CCDC88C: variants seen among roughly 807,000 people sequenced by gnomAD.
The protein encoded by CCDC88C is coiled-coil and HOOK domain protein 88C, also known as protein Daple.
CCDC88C carries 131 observed loss-of-function variants against 198.8 expected under a neutral mutation model. The ratio of observed to expected loss-of-function variants is 0.66; its 90% CI spans 0.57 to 0.76. The LOEUF (loss-of-function observed/expected upper bound fraction) is 0.76, where lower values mean the gene tolerates loss of function less well. CCDC88C is among the 30% of genes least tolerant of loss of function. The pLI, the probability that CCDC88C is intolerant of heterozygous loss-of-function variation, is 0.00. For synonymous variants in CCDC88C, 1,166 were observed against 1,114.7 expected (o/e 1.05, Z -0.92); for missense variants, 2,553 against 2,631.6 (o/e 0.97, Z 0.65).
chr14:91,280,310 AG>A, intron 27 of CCDC88C, among the ~76,000 whole-genome samples: 1 of 152,338 alleles, frequency 6.6e-6, no homozygotes, highest in East Asian at 1.9e-4. Context: ...CTGGGTCCAC[AG>A]GGCACCTGGT....
intron 12 of CCDC88C, among the ~76,000 whole-genome samples, chr14:91,323,039 G>C (rs1187058878): frequency 1.3e-5 from 2 of 151,654 alleles, no homozygotes; most frequent in African/African-American, 4.9e-5. Flanking sequence ...CTGAGTAGCT[G>C]GGATTACAGG....
chr14:91,371,155 C>T lies in CCDC88C; in HGVS notation c.271-11444G>A, dbSNP rs547371517. Among the ~76,000 whole-genome samples the T allele has an allele frequency of 1.6e-4, 25 of 152,242 alleles. No homozygotes were observed. The highest frequency in any genetic ancestry group is 5.3e-4 in the African/African-American group (22 of 41,532). On this transcript the variant is annotated intron_variant, in intron 3 of 29. Transcript: ENST00000389857. The surrounding 1 kb of genome is among the most constrained non-coding windows in gnomAD (Gnocchi z 4.2). ...CCCCTCCTGGCTAAAACGACAGCATCGGTGCTCCAGTGCTTGGAGTTGATA... is the reference window on the plus strand; with the variant it reads ...CCCCTCCTGGCTAAAACGACAGCATTGGTGCTCCAGTGCTTGGAGTTGATA...
Position 91,325,011 on chromosome 14 carries a change from T to G in CCDC88C, c.1198-88A>C, listed in dbSNP as rs1892524588. Reference sequence around the variant, plus strand: ...CTCAGCCCCTGTATAGCTACCGTCATGTGCTGTGGATGAAGATGTACTGGC... The same window carrying G: ...CTCAGCCCCTGTATAGCTACCGTCAGGTGCTGTGGATGAAGATGTACTGGC... On this transcript the variant is annotated intron_variant, in intron 11 of 29. Transcript: ENST00000389857. The surrounding 1 kb of genome is among the most constrained non-coding windows in gnomAD (Gnocchi z 4.1). 1 of 1,521,124 alleles carries G rather than the reference T, an allele frequency of 6.6e-7. No individual in the cohort carries two copies. Among genetic ancestry groups the G allele is most frequent in the Admixed American group, 1.7e-5 (1 of 57,874 alleles). The allele number at this position is 1,521,124 out of a possible 1,614,324, so 94.2% of individuals were successfully genotyped here.
intron 3 of CCDC88C, among the ~76,000 whole-genome samples, chr14:91,399,440 G>A (rs993568410): frequency 7.9e-5 from 12 of 152,130 alleles, no homozygotes; most frequent in African/African-American, 1.9e-4. Context: ...CTCTGCTGCC[G>A]TGGCCACAGT....
At position 91,272,778 on chromosome 14, in the gene CCDC88C, C is replaced by T. The variant is rs200816634; in HGVS notation, c.5934G>A (p.Pro1978=). The T allele has an allele frequency of 5.1e-4, 818 of 1,606,090 alleles. No individual in the cohort carries two copies. The highest frequency in any genetic ancestry group is 6.4e-4 in the Non-Finnish European group (757 of 1,177,592). The change falls in exon 30 of 30, where the codon CCG becomes CCA. Residue 1978 remains proline (P), a synonymous_variant. Transcript: ENST00000389857. Reference sequence around the variant, plus strand: ...CGGGAGACCGACCTGGGCTCTTGGCCGGAAGCCCCTCACTGCAGCCCTGCC... The same window carrying T: ...CGGGAGACCGACCTGGGCTCTTGGCTGGAAGCCCCTCACTGCAGCCCTGCC... ...VPGQGCSEGL[P]AKSPGRSPDL...
At chr14:91,277,293 C>T (rs551592344) in intron 29 of CCDC88C, among the ~76,000 whole-genome samples, 49 of 152,318 alleles carry the variant, frequency 3.2e-4, no homozygotes, top group Admixed American at 2.8e-3. Context: ...GGATTACAGG[C>T]GTGAGCCACT....
chr14:91,409,340 A>G (rs1032237551), intron 2 of CCDC88C, among the ~76,000 whole-genome samples: 1 of 151,134 alleles, frequency 6.6e-6, no homozygotes, highest in African/African-American at 2.5e-5. Context: ...AGGCCCAGCT[A>G]ATTTTTTTTT....
chr14:91,314,334 A>G (rs527718752), intron 14 of CCDC88C, among the ~76,000 whole-genome samples, 184 bp from the exon 15 acceptor site: 9 of 152,254 alleles, frequency 5.9e-5, no homozygotes, highest in African/African-American at 2.2e-4. Context: ...ACCACCACTT[A>G]GATGGTTCAA....
chr14:91,377,548 C>G (rs73338443), intron 3 of CCDC88C, among the ~76,000 whole-genome samples: 6,770 of 152,166 alleles, frequency 0.044, 329 homozygotes, highest in African/African-American at 0.12. Flanking sequence ...GCAGATGGCC[C>G]CCCCCCGGTG....
At chr14:91,297,582 A>G (rs867118400) in intron 21 of CCDC88C, 91 bp from the exon 22 acceptor site, 3 of 1,333,386 alleles carry the variant, frequency 2.2e-6, no homozygotes, top group South Asian at 1.4e-5. Context: ...CAGCTCTGAC[A>G]GTGGCAGGCT....
chr14:91,387,350 G>T (rs901096478), intron 3 of CCDC88C, among the ~76,000 whole-genome samples: 6 of 152,166 alleles, frequency 3.9e-5, no homozygotes, highest in African/African-American at 1.4e-4. Flanking sequence ...GGCCATGGAG[G>T]TTTGGCGAAT....
In CCDC88C at chr14:91,293,500, CTG is replaced by C. The variant is rs1567055542; in HGVS notation, c.4112+671_4112+672del. ...CCACAGCTCACCTTCCCATCCTCACCTGCCACGGCCTACCTTCCTGTCCCCTC... is the reference window on the plus strand; with the variant it reads ...CCACAGCTCACCTTCCCATCCTCACCCCACGGCCTACCTTCCTGTCCCCTC... On this transcript the variant is annotated intron_variant, in intron 23 of 29. Coordinates refer to ENST00000389857, the MANE Select transcript of CCDC88C (RefSeq NM_001080414.4). Among the ~76,000 whole-genome samples the C allele has an allele frequency of 7.4e-4, 89 of 120,788 alleles. 26 individuals are homozygous for C. The highest frequency in any genetic ancestry group is 6.3e-3 in the South Asian group (21 of 3,348). 79.2% of individuals were successfully genotyped at this position (120,788 alleles called of 152,430 possible). A position where few individuals can be genotyped will look rare whatever the true frequency, so the allele number is the denominator to read the frequency against.
intron 23 of CCDC88C, among the ~76,000 whole-genome samples, chr14:91,291,948 G>A (rs1039078728): frequency 6.6e-6 from 1 of 152,164 alleles, no homozygotes; most frequent in South Asian, 2.1e-4. Flanking sequence ...CAGTGCATTC[G>A]GAGCCGCGCT....
chr14:91,364,178 G>A (rs1894429398), intron 3 of CCDC88C, among the ~76,000 whole-genome samples: 1 of 152,206 alleles, frequency 6.6e-6, no homozygotes. Context: ...CGGTCCTTGT[G>A]GTCTGATGGA....
chr14:91,342,341 C>G (rs763641512), intron 6 of CCDC88C, 39 bp downstream of exon 6: 4 of 1,292,168 alleles, frequency 3.1e-6, no homozygotes, highest in Non-Finnish European at 4.4e-6. Context: ...ACAGGAGCAG[C>G]AGTCCACAGC....
chr14:91,365,841 G>A (rs1051977118), intron 3 of CCDC88C, among the ~76,000 whole-genome samples: 11 of 152,100 alleles, frequency 7.2e-5, no homozygotes, highest in African/African-American at 1.7e-4. Flanking sequence ...GCAAATTAAC[G>A]CTGGGGAACG....
intron 17 of CCDC88C, 91 bp from the exon 18 acceptor site, chr14:91,307,317 C>A: frequency 9.1e-7 from 1 of 1,097,520 alleles, no homozygotes; most frequent in Non-Finnish European, 1.4e-6. Flanking sequence ...CTGCACCACA[C>A]CCTCCACACT....
intron 1 of CCDC88C, chr14:91,417,414 G>T: frequency 1.7e-6 from 1 of 571,528 alleles, no homozygotes; most frequent in Non-Finnish European, 3.1e-6. Context: ...AGCGCGGCGG[G>T]GTCCCGCGCC....
At chr14:91,295,678 TAGG>T (rs1476933322) in intron 22 of CCDC88C, among the ~76,000 whole-genome samples, 6 of 152,154 alleles carry the variant, frequency 3.9e-5, no homozygotes, top group African/African-American at 1.4e-4. Context: ...AGAGGCGGGT[TAGG>T]AGGAGCGGCG....
Sources: gnomAD v4.1 joint callset for allele counts (sites outside exome capture counted in the v4.1 genomes callset) on GRCh38, gnomAD v4.1.1 for gene constraint, Gnocchi (gnomAD v3.1) non-coding constraint, MANE v1.5 for transcripts, NCBI Gene and HGNC (gene_info 2026-07-23, HGNC 2026-07-21) for gene names.